Variants in USP48 observed in about 807,000 individuals in gnomAD.
USP48 encodes the protein ubiquitin specific peptidase 48.
A neutral mutation model predicts 150.7 loss-of-function variants in USP48; 43 were observed. The observed-to-expected ratio is 0.29, with a 90% confidence interval of 0.22 to 0.37. The LOEUF (loss-of-function observed/expected upper bound fraction) is 0.37, where lower values mean the gene tolerates loss of function less well. USP48 is among the 10% of genes least tolerant of loss of function. The pLI is 1.00. For missense variants in USP48, 813 were observed against 1,249.6 expected (o/e 0.65, Z 5.27); for synonymous variants, 396 against 425.9 (o/e 0.93, Z 0.86).
intron 11 of USP48, among the ~76,000 whole-genome samples, chr1:21,726,961 A>G (rs1306410563): frequency 6.8e-6 from 1 of 146,374 alleles, no homozygotes; most frequent in African/African-American, 2.5e-5. Context: ...CTTTAAAAAG[A>G]AAAAAAAAAA....
In USP48 at chr1:21,748,206, T is replaced by A. The variant is rs1194705763; in HGVS notation, c.840A>T (p.Thr280=). The A allele has an allele frequency of 6.2e-7, 1 of 1,614,040 alleles. No individual in the cohort carries two copies. Among genetic ancestry groups the A allele is most frequent in the Non-Finnish European group, 8.5e-7 (1 of 1,179,992 alleles). Residue 280 remains threonine, a synonymous_variant, in exon 7 of 27, where the codon ACA becomes ACT. Coordinates refer to ENST00000308271, the MANE Select transcript of USP48 (RefSeq NM_032236.8). ...GAAGGCTAAGAAGTCGAATCTTTCTTGTTGCATTCTGTTTGCTTTGACAGT... is the reference window on the plus strand; with the variant it reads ...GAAGGCTAAGAAGTCGAATCTTTCTAGTTGCATTCTGTTTGCTTTGACAGT... The part of the protein sequence containing the change: ...CENCQSKQNA[T]RKIRLLSLPC...
intron 1 of USP48, among the ~76,000 whole-genome samples, chr1:21,781,586 G>A (rs2097914655): frequency 6.6e-6 from 1 of 152,016 alleles, no homozygotes; most frequent in East Asian, 1.9e-4. Flanking sequence ...ATACAAAACT[G>A]AGTCGGGCGT....
At chr1:21,772,467 C>CA (rs1284750840) in intron 1 of USP48, among the ~76,000 whole-genome samples, 3 of 151,754 alleles carry the variant, frequency 2.0e-5, no homozygotes, top group Non-Finnish European at 2.9e-5. Context: ...ACAAAAAATG[C>CA]AAAAAATTAG....
intron 23 of USP48, among the ~76,000 whole-genome samples, chr1:21,692,081 C>T (rs998733446): frequency 6.6e-6 from 1 of 152,042 alleles, no homozygotes; most frequent in East Asian, 1.9e-4. Flanking sequence ...TTTTAATAAT[C>T]GCACCAAAGA....
chr1:21,765,778 T>C (rs890389676), intron 1 of USP48, among the ~76,000 whole-genome samples: 6 of 151,056 alleles, frequency 4.0e-5, no homozygotes, highest in African/African-American at 1.5e-4. Context: ...CCTAGCCCTT[T>C]GGAAGGCTGA....
At chr1:21,779,670 TCATAGCAA>T (rs1482118674) in intron 1 of USP48, among the ~76,000 whole-genome samples, 1 of 152,164 alleles carries the variant, frequency 6.6e-6, no homozygotes, top group African/African-American at 2.4e-5. Flanking sequence ...ACACTAATGT[TCATAGCAA>T]CATTATAATA....
chr1:21,767,896 A>T (rs2097866378), intron 1 of USP48, among the ~76,000 whole-genome samples: 1 of 152,148 alleles, frequency 6.6e-6, no homozygotes, highest in African/African-American at 2.4e-5. Flanking sequence ...CATAAATTAG[A>T]CATGCAAGAA....
chr1:21,777,706 G>C (rs965619499), intron 1 of USP48, among the ~76,000 whole-genome samples: 1 of 151,750 alleles, frequency 6.6e-6, no homozygotes, highest in Non-Finnish European at 1.5e-5. Context: ...AGAAGAAATT[G>C]GACTACATCA....
intron 5 of USP48, 132 bp from the exon 6 acceptor site, chr1:21,751,747 T>G: frequency 2.8e-6 from 2 of 703,360 alleles, no homozygotes; most frequent in Non-Finnish European, 4.7e-6. Flanking sequence ...AAATTATGTA[T>G]ACTAAAAATG....
chr1:21,756,563 C>T lies in USP48; in HGVS notation c.395G>A (p.Gly132Asp), dbSNP rs748506418. 2.1e-5 allele frequency: 33 copies of T among 1,580,372 alleles called. No homozygotes were observed. The highest frequency in any genetic ancestry group is 9.4e-5 in the East Asian group (4 of 42,502). The change falls in exon 3 of 27, where the codon GGC becomes GAC. Residue 132 changes from glycine (G) to aspartate (D), a missense_variant. Coordinates refer to ENST00000308271, the MANE Select transcript of USP48 (RefSeq NM_032236.8). ...CCACCCACCTTTTTCTTCTTGGATG[C>T]CGTCTCCCAGCATGTAGTCACTACA... Reference protein sequence around the residue: ...STCSDYMLGDGIQEEKDYEPQ... With the variant: ...STCSDYMLGDDIQEEKDYEPQ...
rs1176881271 is a variant in USP48 at position 21,748,290 on chromosome 1, T to C, written c.775-19A>G. ...TTTCTTCCTGATCAAGAATAAGACA[T>C]ATTAATTTTAAAAAGAAGATGGGTT... On this transcript the variant is annotated intron_variant, in intron 6 of 26. Transcript: ENST00000308271. 4 of 1,590,786 alleles carry C rather than the reference T, an allele frequency of 2.5e-6. No individual in the cohort carries two copies. The highest frequency in any genetic ancestry group is 3.4e-6 in the Non-Finnish European group (4 of 1,169,454).
At chr1:21,729,907 A>G (rs577381068) in intron 9 of USP48, 75 bp from the exon 10 acceptor site, 4 of 1,580,358 alleles carry the variant, frequency 2.5e-6, no homozygotes, top group South Asian at 2.2e-5. Context: ...GGCTATAGAA[A>G]ACAATTTCCA....
At chr1:21,762,865 C>CAAAAAAAA (rs34834573) in intron 1 of USP48, among the ~76,000 whole-genome samples, 1 of 76,350 alleles carries the variant, frequency 1.3e-5, no homozygotes, top group Non-Finnish European at 2.7e-5. Context: ...GACTTCATCT[C>CAAAAAAAA]AAAAAAAAAA....
At chr1:21,748,382 C>A in intron 6 of USP48, 111 bp from the exon 7 acceptor site, 1 of 1,040,534 alleles carries the variant, frequency 9.6e-7, no homozygotes. Context: ...CTCACTTAAG[C>A]TACTTAAAAA....
chr1:21,762,252 C>G (rs2097851699), intron 1 of USP48, among the ~76,000 whole-genome samples: 1 of 151,304 alleles, frequency 6.6e-6, no homozygotes, highest in African/African-American at 2.4e-5. Context: ...GGCTGGGCAA[C>G]AGAGCGAGAC....
In USP48 at chr1:21,705,728, G is replaced by T; in HGVS notation, c.2383C>A (p.Leu795Ile). Reference sequence around the variant, plus strand: ...ATCACATGAAGAGAAGGAACTCACAGTTTAGAATCTTCTTTGGTCATGGAA... The same window carrying T: ...ATCACATGAAGAGAAGGAACTCACATTTTAGAATCTTCTTTGGTCATGGAA... ...FASMTKEDSK[L>I]IALIWPSEWQ... Residue 795 changes from leucine (L) to isoleucine (I), a missense_variant and splice_region_variant, in exon 19 of 27, where the codon CTT (leucine) becomes ATT (isoleucine). Leu to Ile is a conservative substitution (Grantham distance 5, BLOSUM62 2). Coordinates refer to ENST00000308271, the MANE Select transcript of USP48 (RefSeq NM_032236.8). The T allele has an allele frequency of 6.3e-7, 1 of 1,593,456 alleles. No homozygotes were observed. The highest frequency in any genetic ancestry group is 8.5e-7 in the Non-Finnish European group (1 of 1,172,888).
At chr1:21,749,669 C>G (rs1043531213) in intron 6 of USP48, among the ~76,000 whole-genome samples, 1 of 152,118 alleles carries the variant, frequency 6.6e-6, no homozygotes, top group African/African-American at 2.4e-5. Context: ...GTGGTCCAAT[C>G]ATAGCTAACT....
intron 23 of USP48, among the ~76,000 whole-genome samples, chr1:21,692,846 G>A (rs1314503270): frequency 6.6e-6 from 1 of 152,206 alleles, no homozygotes; most frequent in Non-Finnish European, 1.5e-5. Flanking sequence ...CACGCTTCTA[G>A]AGAGAAGATG....
intron 26 of USP48, 83 bp from the exon 27 acceptor site, chr1:21,679,522 T>A: frequency 6.5e-7 from 1 of 1,531,322 alleles, no homozygotes; most frequent in Non-Finnish European, 9.0e-7. Context: ...GAACACATCA[T>A]CAACAGGGAG....
Sources: gnomAD v4.1 joint callset for allele counts (sites outside exome capture counted in the v4.1 genomes callset) on GRCh38, gnomAD v4.1.1 for gene constraint, MANE v1.5 for transcripts, NCBI Gene and HGNC (gene_info 2026-07-23, HGNC 2026-07-21) for gene names.